LRRIQ3: variants seen among roughly 807,000 people sequenced by gnomAD.
LRRIQ3 encodes leucine rich repeats and IQ motif containing 3.
LRRIQ3 carries 75 observed loss-of-function variants against 59.3 expected under a neutral mutation model. The ratio of observed to expected loss-of-function variants is 1.26; its 90% CI spans 1.05 to 1.53. The LOEUF is 1.53. Among genes scored for constraint, LRRIQ3 ranks in the 40% most tolerant of loss-of-function variants. The pLI, the probability that LRRIQ3 is intolerant of heterozygous loss-of-function variation, is 0.00. For missense variants in LRRIQ3, 831 were observed against 710.0 expected (o/e 1.17, Z -1.94); for synonymous variants, 250 against 231.3 (o/e 1.08, Z -0.73).
chr1:74,110,019 A>G (rs1165549627), intron 4 of LRRIQ3, among the ~76,000 whole-genome samples: 1 of 151,874 alleles, frequency 6.6e-6, no homozygotes, highest in Non-Finnish European at 1.5e-5. Flanking sequence ...AACATAATAT[A>G]AGCCAGAAAT....
At chr1:74,116,756 C>A (rs1424059721) in intron 4 of LRRIQ3, among the ~76,000 whole-genome samples, 1 of 151,742 alleles carries the variant, frequency 6.6e-6, no homozygotes, top group East Asian at 1.9e-4. Context: ...ATGCTATCTG[C>A]AAAGAGCTTT....
chr1:74,063,296 T>C (rs536055631), intron 6 of LRRIQ3, among the ~76,000 whole-genome samples: 59 of 152,246 alleles, frequency 3.9e-4, no homozygotes, highest in African/African-American at 1.4e-3. Flanking sequence ...TTCTTGATTC[T>C]TTTCATAACG....
At chr1:74,150,265 T>G (rs896949573) in intron 4 of LRRIQ3, among the ~76,000 whole-genome samples, 1 of 152,168 alleles carries the variant, frequency 6.6e-6, no homozygotes, top group African/African-American at 2.4e-5. Context: ...ATCACAGGCC[T>G]GGACTTCTTG....
At chr1:74,189,019 T>C (rs1419145865) in intron 1 of LRRIQ3, among the ~76,000 whole-genome samples, 1 of 152,196 alleles carries the variant, frequency 6.6e-6, no homozygotes, top group African/African-American at 2.4e-5. Context: ...TTCTGTGTGT[T>C]GACTCAGTTG....
intron 4 of LRRIQ3, among the ~76,000 whole-genome samples, chr1:74,149,691 T>G (rs952773600): frequency 6.6e-6 from 1 of 152,222 alleles, no homozygotes; most frequent in Non-Finnish European, 1.5e-5. Context: ...CTTATTCCCC[T>G]TTACTCTGTT....
At chr1:74,118,432 A>G (rs969278884) in intron 4 of LRRIQ3, among the ~76,000 whole-genome samples, 7 of 152,140 alleles carry the variant, frequency 4.6e-5, no homozygotes, top group Non-Finnish European at 1.0e-4. Flanking sequence ...ACTGCATAAT[A>G]TTTTATACTG....
At chr1:74,134,043 G>A (rs1194196846) in intron 4 of LRRIQ3, among the ~76,000 whole-genome samples, 1 of 151,590 alleles carries the variant, frequency 6.6e-6, no homozygotes, top group Non-Finnish European at 1.5e-5. Context: ...AGGAAATTTT[G>A]ACATTTTTAT....
At chr1:74,062,731 A>C (rs1396556446) in intron 6 of LRRIQ3, among the ~76,000 whole-genome samples, 1 of 152,152 alleles carries the variant, frequency 6.6e-6, no homozygotes. Flanking sequence ...AAATTAACAC[A>C]GAAACAGAAA....
intron 2 of LRRIQ3, 116 bp from the exon 3 acceptor site, chr1:74,182,977 T>A: frequency 3.5e-6 from 2 of 569,744 alleles, no homozygotes; most frequent in Non-Finnish European, 5.8e-6. Flanking sequence ...AAGTTTCTAA[T>A]TAATAAGCAA....
At chr1:74,096,316 T>C (rs1258550574) in intron 5 of LRRIQ3, among the ~76,000 whole-genome samples, 3 of 152,130 alleles carry the variant, frequency 2.0e-5, no homozygotes, top group Non-Finnish European at 4.4e-5. Context: ...ATTGGTATGG[T>C]GGATCCTTTA....
At chr1:74,085,583 T>C (rs1273416093) in intron 5 of LRRIQ3, among the ~76,000 whole-genome samples, 3 of 151,700 alleles carry the variant, frequency 2.0e-5, no homozygotes, top group Non-Finnish European at 2.9e-5. Flanking sequence ...CAAGTTGAAG[T>C]GAAGAGGGAA....
At chr1:74,111,549 T>C (rs935970141) in intron 4 of LRRIQ3, among the ~76,000 whole-genome samples, 4 of 152,100 alleles carry the variant, frequency 2.6e-5, no homozygotes, top group African/African-American at 9.7e-5. Context: ...GAGATGATTT[T>C]CTGGAATAGA....
intron 6 of LRRIQ3, among the ~76,000 whole-genome samples, chr1:74,063,305 C>T (rs1292528306): frequency 2.6e-5 from 4 of 151,908 alleles, no homozygotes; most frequent in Admixed American, 1.3e-4. Context: ...CTTTTCATAA[C>T]GTGGTATACT....
At chr1:74,130,598 T>C (rs1191239957) in intron 4 of LRRIQ3, among the ~76,000 whole-genome samples, 2 of 152,130 alleles carry the variant, frequency 1.3e-5, no homozygotes, top group Admixed American at 1.3e-4. Context: ...TTTTGGTTCT[T>C]ATAAATGTGA....
chr1:74,146,435 G>T (rs12410230), intron 4 of LRRIQ3, among the ~76,000 whole-genome samples: 4 of 151,812 alleles, frequency 2.6e-5, no homozygotes, highest in East Asian at 1.9e-4. Flanking sequence ...TGTGTCTTCA[G>T]GACCCAGAAA....
chr1:74,142,209 T>C (rs1647290233), intron 4 of LRRIQ3, among the ~76,000 whole-genome samples: 1 of 151,940 alleles, frequency 6.6e-6, no homozygotes, highest in Non-Finnish European at 1.5e-5. Context: ...TTTAAGTTAC[T>C]TTAGGAACCT....
intron 4 of LRRIQ3, among the ~76,000 whole-genome samples, chr1:74,134,578 C>T (rs1432603228): frequency 6.6e-6 from 1 of 151,486 alleles, no homozygotes; most frequent in African/African-American, 2.4e-5. Flanking sequence ...GTTTAAATTA[C>T]CATATATAGA....
chr1:74,109,379 A>G lies in LRRIQ3; in HGVS notation c.867+15T>C. On this transcript the variant is annotated intron_variant, in intron 5 of 7. Coordinates refer to ENST00000354431, the MANE Select transcript of LRRIQ3 (RefSeq NM_001105659.2). ...AATACATTTCAAATAAAAATAATAA[A>G]CTAATTATACTTACATGTTTCCAAT... 1 of 1,420,944 alleles carries G rather than the reference A, an allele frequency of 7.0e-7. No homozygotes were observed. The highest frequency in any genetic ancestry group is 9.6e-7 in the Non-Finnish European group (1 of 1,041,188). The allele number at this position is 1,420,944 out of a possible 1,614,324, so 88.0% of individuals were successfully genotyped here. A position where few individuals can be genotyped will look rare whatever the true frequency, so the allele number is the denominator to read the frequency against.
intron 5 of LRRIQ3, among the ~76,000 whole-genome samples, chr1:74,096,446 G>A (rs977283901): frequency 6.6e-6 from 1 of 151,964 alleles, no homozygotes; most frequent in African/African-American, 2.4e-5. Context: ...CCAGTCAAAA[G>A]GCAATTATAG....
Sources: gnomAD v4.1 joint callset for allele counts (sites outside exome capture counted in the v4.1 genomes callset) on GRCh38, gnomAD v4.1.1 for gene constraint, MANE v1.5 for transcripts, NCBI Gene and HGNC (gene_info 2026-07-23, HGNC 2026-07-21) for gene names.